Variants in NR2F1-AS1 observed in about 807,000 individuals in gnomAD.
NR2F1-AS1 encodes the protein NR2F1 antisense RNA 1.
chr5:93,424,562 T>A (rs536368811), intron 4 of NR2F1-AS1, among the ~76,000 whole-genome samples: 1 of 152,052 alleles, frequency 6.6e-6, no homozygotes, highest in Non-Finnish European at 1.5e-5. Context: ...TATATCCCAC[T>A]TGGACCTCTG....
intron 4 of NR2F1-AS1, among the ~76,000 whole-genome samples, chr5:93,528,837 G>A (rs1347187099): frequency 6.8e-6 from 1 of 147,248 alleles, no homozygotes; most frequent in East Asian, 2.1e-4. Context: ...TCATAAGTGG[G>A]AATTGAACAA....
intron 4 of NR2F1-AS1, among the ~76,000 whole-genome samples, chr5:93,524,678 C>T (rs905207082): frequency 2.0e-5 from 3 of 152,122 alleles, no homozygotes; most frequent in African/African-American, 7.2e-5. Context: ...ACCCTACAAG[C>T]CAGAAGAGAG....
chr5:93,558,127 T>C (rs1752402649), intron 2 of NR2F1-AS1, among the ~76,000 whole-genome samples: 1 of 152,128 alleles, frequency 6.6e-6, no homozygotes, highest in African/African-American at 2.4e-5. Context: ...CTCAAAGTCA[T>C]CCATGAGTGT....
chr5:93,451,459 G>A (rs1018062600), intron 4 of NR2F1-AS1, among the ~76,000 whole-genome samples: 10 of 152,056 alleles, frequency 6.6e-5, no homozygotes, highest in Non-Finnish European at 1.3e-4. Flanking sequence ...CTGGAGTGCA[G>A]CAGTGCCATC....
At chr5:93,430,852 C>G (rs930678295) in intron 4 of NR2F1-AS1, among the ~76,000 whole-genome samples, 5 of 150,772 alleles carry the variant, frequency 3.3e-5, no homozygotes, top group African/African-American at 5.0e-5. Flanking sequence ...GTCACTGTCT[C>G]CCTTGCTTTA....
intron 4 of NR2F1-AS1, among the ~76,000 whole-genome samples, chr5:93,459,532 CTTTAT>C (rs1235562958): frequency 6.6e-5 from 10 of 152,106 alleles, no homozygotes; most frequent in Non-Finnish European, 1.3e-4. Flanking sequence ...AATTGGTGAA[CTTTAT>C]TTTATGTAAT....
At chr5:93,428,578 T>C (rs1749242890) in intron 4 of NR2F1-AS1, among the ~76,000 whole-genome samples, 1 of 152,192 alleles carries the variant, frequency 6.6e-6, no homozygotes, top group Non-Finnish European at 1.5e-5. Context: ...CTGTTTCCAG[T>C]TTTGTATTTT....
At chr5:93,498,101 G>A (rs372445825) in intron 4 of NR2F1-AS1, among the ~76,000 whole-genome samples, 4 of 151,996 alleles carry the variant, frequency 2.6e-5, no homozygotes, top group East Asian at 3.9e-4. Context: ...AGGAAAGAGG[G>A]TTACTTGAGG....
At chr5:93,475,267 C>T (rs1191042909) in intron 4 of NR2F1-AS1, among the ~76,000 whole-genome samples, 1 of 152,018 alleles carries the variant, frequency 6.6e-6, no homozygotes, top group Non-Finnish European at 1.5e-5. Flanking sequence ...AGCTATGGAC[C>T]TGCACAAAAT....
chr5:93,487,093 A>T (rs1750740785), intron 4 of NR2F1-AS1, among the ~76,000 whole-genome samples: 1 of 152,184 alleles, frequency 6.6e-6, no homozygotes, highest in African/African-American at 2.4e-5. Flanking sequence ...GATGGGACGT[A>T]TCTCAAAATA....
chr5:93,452,329 T>C (rs373326770), intron 4 of NR2F1-AS1, among the ~76,000 whole-genome samples: 1 of 152,192 alleles, frequency 6.6e-6, no homozygotes, highest in African/African-American at 2.4e-5. Flanking sequence ...ACAATAGTTT[T>C]CAGACACTGG....
At chr5:93,497,052 T>A (rs772855088) in intron 4 of NR2F1-AS1, among the ~76,000 whole-genome samples, 4 of 152,108 alleles carry the variant, frequency 2.6e-5, no homozygotes, top group Non-Finnish European at 4.4e-5. Flanking sequence ...TTCTAAAATA[T>A]AACCCTTTCT....
At chr5:93,438,653 T>C (rs1414561275) in intron 4 of NR2F1-AS1, 1 of 152,260 alleles carries the variant, frequency 6.6e-6, no homozygotes, top group Non-Finnish European at 1.5e-5. Context: ...TTTGACAGGA[T>C]AAAGTCCAAG....
chr5:93,581,066 C>T (rs1182258692), upstream of NR2F1-AS1: 1 of 152,348 alleles, frequency 6.6e-6, no homozygotes, highest in African/African-American at 2.4e-5. Context: ...AAAACGTCCC[C>T]CAAACACGCA....
intron 4 of NR2F1-AS1, among the ~76,000 whole-genome samples, chr5:93,547,810 C>A (rs75142141): frequency 6.6e-6 from 1 of 152,046 alleles, no homozygotes; most frequent in Non-Finnish European, 1.5e-5. Flanking sequence ...TGTTAACATA[C>A]AAAACTAGAA....
chr5:93,497,102 T>C (rs1750977534), intron 4 of NR2F1-AS1, among the ~76,000 whole-genome samples: 1 of 152,168 alleles, frequency 6.6e-6, no homozygotes, highest in African/African-American at 2.4e-5. Flanking sequence ...CTTTTTTTTT[T>C]CAGTTAATTC....
At chr5:93,474,473 T>C (rs1281521199) in intron 4 of NR2F1-AS1, among the ~76,000 whole-genome samples, 1 of 152,194 alleles carries the variant, frequency 6.6e-6, no homozygotes, top group Non-Finnish European at 1.5e-5. Context: ...TATAACAGAA[T>C]ACCATAGGCT....
At chr5:93,416,123 T>A (rs1170163586) in intron 4 of NR2F1-AS1, among the ~76,000 whole-genome samples, 1 of 152,202 alleles carries the variant, frequency 6.6e-6, no homozygotes, top group Non-Finnish European at 1.5e-5. Flanking sequence ...ACACAGCTTA[T>A]GAAACAGGGG....
At chr5:93,463,824 G>A (rs191851624) in intron 4 of NR2F1-AS1, among the ~76,000 whole-genome samples, 3 of 152,290 alleles carry the variant, frequency 2.0e-5, no homozygotes. Context: ...CTCCCATTTG[G>A]AATGGGTCTA....
Sources: gnomAD v4.1 joint callset for allele counts (sites outside exome capture counted in the v4.1 genomes callset) on GRCh38, gnomAD v4.1.1 for gene constraint, MANE v1.5 for transcripts, NCBI Gene and HGNC (gene_info 2026-07-23, HGNC 2026-07-21) for gene names.